The following TRAPPC9 variants were observed in gnomAD, a reference collection of about 807,000 sequenced individuals.
TRAPPC9 encodes IKK2 binding protein.
TRAPPC9 carries 83 observed loss-of-function variants against 124.0 expected under a neutral mutation model. The observed-to-expected ratio is 0.67, with a 90% CI of 0.56 to 0.80. The LOEUF (loss-of-function observed/expected upper bound fraction) is 0.80, where lower values mean the gene tolerates loss of function less well. Ranked by LOEUF, TRAPPC9 falls within the 30% of genes least tolerant of loss-of-function variation. TRAPPC9 has a pLI of 0.00. For synonymous variants in TRAPPC9, 638 were observed against 617.5 expected (o/e 1.03, Z -0.49); for missense variants, 1,302 against 1,508.3 (o/e 0.86, Z 2.27).
At position 140,199,867 on chromosome 8, in the gene TRAPPC9, AC is replaced by A. The variant is rs578026499; in HGVS notation, c.2556+21591del. Among the ~76,000 whole-genome samples the A allele has an allele frequency of 5.4e-3, 817 of 152,342 alleles. 5 individuals are homozygous for A. Among genetic ancestry groups the A allele is most frequent in the South Asian group, 0.034 (162 of 4,832 alleles). ...ACAGATGAGATGGTAACTTTGGAAGACAATGTTTTGACTGAAAACCATAGGG... is the reference window on the plus strand; with the variant it reads ...ACAGATGAGATGGTAACTTTGGAAGAAATGTTTTGACTGAAAACCATAGGG... On this transcript the variant is annotated intron_variant, in intron 17 of 22. Transcript: ENST00000438773.
intron 19 of TRAPPC9, among the ~76,000 whole-genome samples, chr8:139,947,982 T>G (rs1834373387): frequency 6.8e-6 from 1 of 147,864 alleles, no homozygotes; most frequent in Non-Finnish European, 1.5e-5. Flanking sequence ...CACGGGATTT[T>G]GAGTCCAACA....
chr8:139,999,088 C>G (rs1297942425), intron 18 of TRAPPC9, among the ~76,000 whole-genome samples: 4 of 151,298 alleles, frequency 2.6e-5, no homozygotes, highest in Non-Finnish European at 4.4e-5. Flanking sequence ...AAAAACAAAC[C>G]AAAAATACAA....
At chr8:140,280,935 C>T (rs1588085237) in intron 14 of TRAPPC9, among the ~76,000 whole-genome samples, 1 of 152,334 alleles carries the variant, frequency 6.6e-6, no homozygotes, top group African/African-American at 2.4e-5. Context: ...CTCAGCAGCT[C>T]GCCTCTGAGG....
intron 18 of TRAPPC9, among the ~76,000 whole-genome samples, chr8:140,010,438 G>A (rs557723276): frequency 6.6e-6 from 1 of 152,250 alleles, no homozygotes; most frequent in East Asian, 1.9e-4. Context: ...GTAGTAAAAT[G>A]CAGATAGCAA....
intron 17 of TRAPPC9, among the ~76,000 whole-genome samples, chr8:140,203,178 G>C (rs1318226948): frequency 6.6e-6 from 1 of 152,106 alleles, no homozygotes; most frequent in African/African-American, 2.4e-5. Flanking sequence ...ACAGAAAATG[G>C]AATAGCACTA....
chr8:139,842,579 C>T (rs937595245), intron 21 of TRAPPC9, among the ~76,000 whole-genome samples: 2 of 151,930 alleles, frequency 1.3e-5, no homozygotes, highest in African/African-American at 2.4e-5. Context: ...AATCAACATC[C>T]GCTCTCGCCT....
intron 21 of TRAPPC9, among the ~76,000 whole-genome samples, chr8:139,763,736 A>T (rs1194623786): frequency 6.6e-6 from 1 of 152,372 alleles, no homozygotes; most frequent in South Asian, 2.1e-4. Context: ...AGGGAGCTGG[A>T]GGCTGCCACG....
chr8:140,152,635 T>A (rs2061565518), intron 17 of TRAPPC9, among the ~76,000 whole-genome samples: 1 of 152,104 alleles, frequency 6.6e-6, no homozygotes, highest in African/African-American at 2.4e-5. Flanking sequence ...CCCAAAGTGC[T>A]GGGATTACAG....
intron 17 of TRAPPC9, among the ~76,000 whole-genome samples, chr8:140,108,730 G>A (rs2060711705): frequency 1.3e-5 from 2 of 152,208 alleles, no homozygotes; most frequent in Admixed American, 6.5e-5. Flanking sequence ...CACGTGGTAT[G>A]CAGAAGGCCC....
chr8:140,271,838 T>C (rs1305154856), intron 15 of TRAPPC9, among the ~76,000 whole-genome samples: 1 of 152,196 alleles, frequency 6.6e-6, no homozygotes, highest in Non-Finnish European at 1.5e-5. Flanking sequence ...AGACATCTGA[T>C]GCACAAAACT....
chr8:139,855,331 G>A (rs1403331837), intron 21 of TRAPPC9, among the ~76,000 whole-genome samples: 2 of 152,192 alleles, frequency 1.3e-5, no homozygotes, highest in African/African-American at 4.8e-5. Flanking sequence ...CTGCTCCCAC[G>A]CAGCCCTAGG....
chr8:140,440,364 G>A (rs186241298), intron 2 of TRAPPC9, among the ~76,000 whole-genome samples: 107 of 152,062 alleles, frequency 7.0e-4, no homozygotes, highest in African/African-American at 2.1e-3. Context: ...AAAATTAGCC[G>A]GGCGTGGTGG....
intron 18 of TRAPPC9, among the ~76,000 whole-genome samples, chr8:139,993,524 T>G (rs1837773180): frequency 6.6e-6 from 1 of 152,170 alleles, no homozygotes. Context: ...ACCGAACAAT[T>G]CCATTTGTAG....
Position 139,856,866 on chromosome 8 carries a change from T to A in TRAPPC9, c.3055+29013A>T, listed in dbSNP as rs112269128. Among the ~76,000 whole-genome samples the A allele has an allele frequency of 2.9e-3, 444 of 152,270 alleles. 1 individual carries two copies. Among genetic ancestry groups the A allele is most frequent in the African/African-American group, 9.2e-3 (384 of 41,540 alleles). ...TCATCTACCCACCCATTCATTCTAA[T>A]GTTGTCTGTCATGTTTCATTCAAGT... On this transcript the variant is annotated intron_variant, in intron 21 of 22. Coordinates refer to ENST00000438773, the MANE Select transcript of TRAPPC9 (RefSeq NM_001160372.4).
intron 21 of TRAPPC9, among the ~76,000 whole-genome samples, chr8:139,860,758 C>T (rs552222809): frequency 4.6e-5 from 7 of 152,364 alleles, no homozygotes; most frequent in East Asian, 1.9e-4. Context: ...TGCCTGTCGC[C>T]GTCCGTGGGC....
intron 19 of TRAPPC9, among the ~76,000 whole-genome samples, chr8:139,951,052 C>G (rs1834611938): frequency 6.6e-6 from 1 of 152,194 alleles, no homozygotes. Flanking sequence ...CACATCCCCA[C>G]CGCCACCTCC....
At chr8:139,819,417 A>G (rs1825095979) in intron 21 of TRAPPC9, among the ~76,000 whole-genome samples, 1 of 152,100 alleles carries the variant, frequency 6.6e-6, no homozygotes, top group Non-Finnish European at 1.5e-5. Context: ...ATCCCCCACC[A>G]CTGTCCATGG....
At chr8:140,161,356 C>T (rs78653082) in intron 17 of TRAPPC9, among the ~76,000 whole-genome samples, 128 of 152,240 alleles carry the variant, frequency 8.4e-4, no homozygotes, top group Non-Finnish European at 1.5e-3. Flanking sequence ...TGGTCTTCCA[C>T]TTCAGATACA....
rs185508288 is a variant in TRAPPC9 at position 140,154,168 on chromosome 8, A to G, written c.2556+67291T>C. On this transcript the variant is annotated intron_variant, in intron 17 of 22. Coordinates refer to ENST00000438773, the MANE Select transcript of TRAPPC9 (RefSeq NM_001160372.4). ...AAAAAGAGAACACCTTTCCTTTCCC[A>G]CGTGCCCTAGCTCAAGCACGATTCC... Among the ~76,000 whole-genome samples the G allele has an allele frequency of 1.9e-4, 29 of 152,002 alleles. No homozygotes were observed. In the East Asian group the frequency reaches 5.0e-3, roughly 26 times the overall value.
Sources: gnomAD v4.1 joint callset for allele counts (sites outside exome capture counted in the v4.1 genomes callset) on GRCh38, gnomAD v4.1.1 for gene constraint, MANE v1.5 for transcripts, NCBI Gene and HGNC (gene_info 2026-07-23, HGNC 2026-07-21) for gene names.